Variants in XYLT1 observed in about 807,000 individuals in gnomAD.
The protein encoded by XYLT1 is beta-D-xylosyltransferase 1.
Under a neutral mutation model 91.3 loss-of-function variants are expected in XYLT1, and 36 were observed. That is an observed-to-expected ratio of 0.39 (90% CI 0.30 to 0.52). The LOEUF (loss-of-function observed/expected upper bound fraction) is 0.52, where lower values mean the gene tolerates loss of function less well. Among genes scored for constraint, XYLT1 ranks in the 20% least tolerant of loss-of-function variants. The probability of loss-of-function intolerance (pLI) is 0.68; values close to 1 mark genes in which losing one functional copy is unlikely to be tolerated. For synonymous variants in XYLT1, 588 were observed against 532.0 expected (o/e 1.11, Z -1.45); for missense variants, 1,242 against 1,284.5 (o/e 0.97, Z 0.51).
chr16:17,439,261 T>C (rs771909078), intron 1 of XYLT1, among the ~76,000 whole-genome samples: 17 of 152,164 alleles, frequency 1.1e-4, no homozygotes, highest in Admixed American at 6.5e-5. Context: ...TAAACTCAGA[T>C]GCAGCCTCAG....
chr16:17,255,682 G>A (rs1231693544), intron 3 of XYLT1, among the ~76,000 whole-genome samples: 5 of 152,162 alleles, frequency 3.3e-5, no homozygotes, highest in Non-Finnish European at 7.4e-5. Context: ...AAGGCAGAAA[G>A]GAAGCTTTTC....
rs1377451779 is a variant in XYLT1 at position 17,367,764 on chromosome 16, G to A, written c.364-9714C>T. Among the ~76,000 whole-genome samples, 4 of 152,274 alleles carry A rather than the reference G, an allele frequency of 2.6e-5. No homozygotes were observed. The East Asian group carries it at 7.7e-4, about 29-fold the overall frequency. On this transcript the variant is annotated intron_variant, in intron 1 of 11. Coordinates refer to ENST00000261381, the MANE Select transcript of XYLT1 (RefSeq NM_022166.4). Reference sequence around the variant, plus strand: ...TCAAATTCTCAATACGGCCCGAGGAGCAGATATTATTAATAGATTCCAGTT... The same window carrying A: ...TCAAATTCTCAATACGGCCCGAGGAACAGATATTATTAATAGATTCCAGTT...
intron 1 of XYLT1, among the ~76,000 whole-genome samples, chr16:17,374,217 G>T (rs114251496): frequency 0.037 from 5,706 of 152,274 alleles, 325 homozygotes; most frequent in African/African-American, 0.13. Flanking sequence ...CACAAAGAAA[G>T]GAAGTCTGAA....
intron 1 of XYLT1, among the ~76,000 whole-genome samples, chr16:17,421,119 A>C (rs1414131157): frequency 6.6e-6 from 1 of 152,176 alleles, no homozygotes; most frequent in Non-Finnish European, 1.5e-5. Context: ...CAGCTCAATC[A>C]TTAGGACTCC....
intron 1 of XYLT1, among the ~76,000 whole-genome samples, chr16:17,433,210 C>T (rs1334237071): frequency 6.6e-6 from 1 of 152,176 alleles, no homozygotes; most frequent in Non-Finnish European, 1.5e-5. Context: ...GCCCACCCAA[C>T]AAGCCATGTC....
In XYLT1 at chr16:17,134,580, G is replaced by T. The variant is rs1321553783; in HGVS notation, c.1920C>A (p.Gly640=). 1.2e-6 allele frequency: 2 copies of T among 1,614,104 alleles called. No homozygotes were observed. Among genetic ancestry groups the T allele is most frequent in the African/African-American group, 2.7e-5 (2 of 74,932 alleles). ...YWENVYDEPD[G]IHSLSDVTLT... ...GTGTCACGTCGCTCAGGCTGTGGAT[G>T]CCGTCAGGCTCATCGTAGACATTCT... is the stretch of plus-strand genomic sequence containing the variant. Residue 640 remains glycine, a synonymous_variant, in exon 9 of 12, where the codon GGC becomes GGA. Transcript: ENST00000261381.
At chr16:17,460,155 C>T (rs2036798742) in intron 1 of XYLT1, among the ~76,000 whole-genome samples, 1 of 152,144 alleles carries the variant, frequency 6.6e-6, no homozygotes, top group African/African-American at 2.4e-5. Flanking sequence ...TGGGACCAAG[C>T]CAAGGTGCTC....
chr16:17,285,921 CAT>C (rs772389904), intron 2 of XYLT1, among the ~76,000 whole-genome samples: 37 of 85,508 alleles, frequency 4.3e-4, no homozygotes, highest in Admixed American at 7.8e-4. Context: ...TGTGTGTGTC[CAT>C]GTGTGTGTGA....
intron 2 of XYLT1, among the ~76,000 whole-genome samples, chr16:17,267,646 T>C (rs2033826454): frequency 6.6e-6 from 1 of 152,110 alleles, no homozygotes; most frequent in African/African-American, 2.4e-5. Context: ...CCTGACCTCA[T>C]GATCCGCCCG....
chr16:17,317,718 T>C (rs2034657775), intron 2 of XYLT1, among the ~76,000 whole-genome samples: 2 of 150,394 alleles, frequency 1.3e-5, no homozygotes, highest in African/African-American at 2.4e-5. Context: ...TGTTAAATCA[T>C]GTTTCCTTTT....
chr16:17,163,839 A>G (rs947868806), intron 5 of XYLT1, among the ~76,000 whole-genome samples: 2 of 152,092 alleles, frequency 1.3e-5, no homozygotes, highest in Admixed American at 6.5e-5. Flanking sequence ...ATTTGAGGTC[A>G]GGAGTTAGAG....
intron 3 of XYLT1, among the ~76,000 whole-genome samples, chr16:17,230,979 C>A (rs1238894289): frequency 6.6e-6 from 1 of 152,214 alleles, no homozygotes; most frequent in Non-Finnish European, 1.5e-5. Context: ...AAAGTGTCAA[C>A]AGGACCACAG....
At chr16:17,468,236 TTAGCAGGTCATGGAG>T (rs1367445878) in intron 1 of XYLT1, among the ~76,000 whole-genome samples, 2 of 151,970 alleles carry the variant, frequency 1.3e-5, no homozygotes, top group African/African-American at 4.8e-5. Context: ...ATTTCAGGAT[TTAGCAGGTCATGGAG>T]TAGGTGTGGG....
intron 3 of XYLT1, among the ~76,000 whole-genome samples, chr16:17,235,257 C>T (rs1009096850): frequency 1.5e-4 from 22 of 151,186 alleles, no homozygotes; most frequent in African/African-American, 3.2e-4. Context: ...CAAGTTGAGA[C>T]GTGTTGAAAG....
intron 3 of XYLT1, among the ~76,000 whole-genome samples, chr16:17,237,616 C>G (rs1487471541): frequency 6.6e-6 from 1 of 152,216 alleles, no homozygotes; most frequent in African/African-American, 2.4e-5. Context: ...AGAGACGCAG[C>G]GGTGTAATTA....
chr16:17,318,791 T>TC (rs758251079), intron 2 of XYLT1, among the ~76,000 whole-genome samples: 170 of 19,188 alleles, frequency 8.9e-3, no homozygotes, highest in Middle Eastern at 0.024. Flanking sequence ...CTGCTTACTC[T>TC]TTTTTTTTTT....
rs149256747 is a variant in XYLT1 at position 17,461,810 on chromosome 16, C to T, written c.363+8624G>A. On this transcript the variant is annotated intron_variant, in intron 1 of 11. Coordinates refer to ENST00000261381, the MANE Select transcript of XYLT1 (RefSeq NM_022166.4). ...ACCCAACTTCAATTTCTAGTTTGGACACTTCACATCTGCTTAATTTTCATC... is the reference window on the plus strand; with the variant it reads ...ACCCAACTTCAATTTCTAGTTTGGATACTTCACATCTGCTTAATTTTCATC... Among the ~76,000 whole-genome samples, 233 of 152,322 alleles carry T rather than the reference C, an allele frequency of 1.5e-3. 1 individual carries two copies. Among genetic ancestry groups the T allele is most frequent in the African/African-American group, 4.9e-3 (202 of 41,578 alleles).
chr16:17,388,066 C>T (rs946118811), intron 1 of XYLT1, among the ~76,000 whole-genome samples: 2 of 152,134 alleles, frequency 1.3e-5, no homozygotes, highest in Admixed American at 6.5e-5. Flanking sequence ...CCTAACCTAC[C>T]GAATATCACA....
At chr16:17,138,785 C>A in intron 7 of XYLT1, 1 of 418,986 alleles carries the variant, frequency 2.4e-6, no homozygotes, top group Admixed American at 3.4e-5. Flanking sequence ...ACACAACTAC[C>A]TGACTGTCAA....
Sources: gnomAD v4.1 joint callset for allele counts (sites outside exome capture counted in the v4.1 genomes callset) on GRCh38, gnomAD v4.1.1 for gene constraint, MANE v1.5 for transcripts, NCBI Gene and HGNC (gene_info 2026-07-23, HGNC 2026-07-21) for gene names.